The following SPTBN5 variants were observed in gnomAD, a reference collection of about 807,000 sequenced individuals.
SPTBN5 encodes spectrin beta, non-erythrocytic 5.
In SPTBN5, 513 loss-of-function variants were observed where a neutral mutation model predicts 477.6. The observed-to-expected ratio is 1.07, with a 90% CI of 1.00 to 1.16. The LOEUF (loss-of-function observed/expected upper bound fraction) is 1.16, where lower values mean the gene tolerates loss of function less well. Ranked by LOEUF, SPTBN5 falls within the 50% of genes most tolerant of loss-of-function variation. SPTBN5 has a pLI of 0.00. For synonymous variants in SPTBN5, 2,169 were observed against 2,011.7 expected (o/e 1.08, Z -2.09); for missense variants, 5,062 against 4,731.8 (o/e 1.07, Z -2.05).
In SPTBN5 at chr15:41,868,446, G is replaced by C. The variant is rs1447746868; in HGVS notation, c.6009C>G (p.Thr2003=). The C allele has an allele frequency of 6.2e-7, 1 of 1,609,664 alleles. No homozygotes were observed. The highest frequency in any genetic ancestry group is 8.5e-7 in the Non-Finnish European group (1 of 1,178,034). ...CAAGAAGTGCCTGCTGCCCCAGCTG[G>C]GTGGCCTGCTGCCACAGCTTCTCCC... The part of the protein sequence containing the change: ...EAREKLWQQA[T]QLGQQALLAA... The change falls in exon 33 of 68, where the codon ACC becomes ACG. Residue 2003 remains threonine, a synonymous_variant. Transcript: ENST00000320955.
Position 41,874,483 on chromosome 15 carries a change from G to A in SPTBN5, c.4503-5C>T, listed in dbSNP as rs2066653020. ...TGCCCCTGCAGAAGCTCCAGCCTAG[G>A]AGGAGGAGGAAGAGATTGGAGAGGT... On this transcript the variant is annotated splice_region_variant and splice_polypyrimidine_tract_variant and intron_variant, in intron 23 of 67. Coordinates refer to ENST00000320955, the MANE Select transcript of SPTBN5 (RefSeq NM_016642.4). 1 of 1,596,254 alleles carries A rather than the reference G, an allele frequency of 6.3e-7. No homozygotes were observed. Among genetic ancestry groups the A allele is most frequent in the South Asian group, 1.1e-5 (1 of 89,504 alleles).
chr15:41,878,221 A>T (rs2066812063), intron 17 of SPTBN5, 121 bp downstream of exon 17: 1 of 1,215,744 alleles, frequency 8.2e-7, no homozygotes, highest in Admixed American at 2.5e-5. Flanking sequence ...GACACCAACC[A>T]GTCTGGGCCC....
chr15:41,866,446 G>T lies in SPTBN5; in HGVS notation c.6528C>A (p.Val2176=). Residue 2176 remains valine, a synonymous_variant, in exon 37 of 68, where the codon GTC becomes GTA. Transcript: ENST00000320955. ...QAWAQQLKEP[V]PPGDLRDKLK... ...GCTTATCTCTCAGGTCCCCAGGAGG[G>T]ACCGGCTCCTTCAGCTGCTGGGCCC... The T allele has an allele frequency of 6.2e-7, 1 of 1,601,840 alleles. No individual in the cohort carries two copies. Among genetic ancestry groups the T allele is most frequent in the Non-Finnish European group, 8.5e-7 (1 of 1,175,234 alleles).
chr15:41,868,083 G>T lies in SPTBN5; in HGVS notation c.6193C>A (p.Leu2065Ile). 6.2e-7 allele frequency: 1 copy of T among 1,603,188 alleles called. No individual in the cohort carries two copies. The highest frequency in any genetic ancestry group is 2.2e-5 in the East Asian group (1 of 44,732). ...LRECGRLEEI[L>I]AAQEVSLKTS... is the part of the protein sequence containing the mutation. ...AGGGGACCTGCCTCCTGGGCCGCGA[G>T]GATCTCCTCCAGGCGGCCGCACTCT... Residue 2065 changes from leucine (L) to isoleucine (I), a missense_variant, in exon 34 of 68, where the codon CTC becomes ATC. Leu to Ile is a conservative substitution (Grantham distance 5). Coordinates refer to ENST00000320955, the MANE Select transcript of SPTBN5 (RefSeq NM_016642.4).
intron 67 of SPTBN5, among the ~76,000 whole-genome samples, chr15:41,849,264 A>G (rs1348103016): frequency 1.3e-5 from 2 of 152,198 alleles, no homozygotes; most frequent in African/African-American, 2.4e-5. Context: ...GCTGGGATCT[A>G]CAAGGAGGGA....
At position 41,880,326 on chromosome 15, in the gene SPTBN5, GC is replaced by G. The variant is rs1567223339; in HGVS notation, c.2659-15del. The G allele has an allele frequency of 1.9e-6, 3 of 1,588,870 alleles. 1 individual carries two copies. Among genetic ancestry groups the G allele is most frequent in the South Asian group, 2.3e-5 (2 of 86,580 alleles). On this transcript the variant is annotated splice_polypyrimidine_tract_variant and intron_variant, in intron 13 of 67. Transcript: ENST00000320955. ...GGCCCTGCGGAGCTGGGGAGAGGTG[GC>G]CCAAGGCTGGGGTGAGGGTCAGGGC...
Position 41,851,302 on chromosome 15 carries a change from T to C in SPTBN5, c.10724A>G (p.Asp3575Gly). 1 of 1,551,132 alleles carries C rather than the reference T, an allele frequency of 6.4e-7. No homozygotes were observed. ...LQGSSLSLFL[D>G]ERMAAEKVAS... is the part of the protein sequence containing the mutation. ...TGGTACCTCCGCTGCCATCCTCTCA[T>C]CCAGGAACAGGCTCAGAGAGCTGCC... The change falls in exon 64 of 68, where the codon GAT (aspartate) becomes GGT (glycine). Residue 3575 changes from aspartate to glycine, a missense_variant. Transcript: ENST00000320955.
At chr15:41,863,676 C>T in intron 41 of SPTBN5, 28 bp downstream of exon 41, 2 of 1,585,142 alleles carry the variant, frequency 1.3e-6, no homozygotes, top group Non-Finnish European at 1.7e-6. Flanking sequence ...GCTCACAGCC[C>T]CCACCGGGAC....
In SPTBN5 at chr15:41,888,058, G is replaced by A. The variant is rs566283583; in HGVS notation, c.529C>T (p.Leu177=). The A allele has an allele frequency of 6.3e-7, 1 of 1,576,558 alleles. No homozygotes were observed. Among genetic ancestry groups the A allele is most frequent in the East Asian group, 2.3e-5 (1 of 42,876 alleles). ...ACCAGCAGGGCTTCCTTGGTGGACA[G>A]CAGGGCTGCGCTGGCCCCAAACTCC... ...KEEFGASAAL[L]STKEALLVWC... is the part of the protein sequence containing the mutation. The change falls in exon 5 of 68, where the codon CTG becomes TTG. Residue 177 remains leucine (L), a synonymous_variant. Transcript: ENST00000320955.
Position 41,853,406 on chromosome 15 carries a change from TC to T in SPTBN5, c.10021del (p.Glu3341SerfsTer51). The T allele has an allele frequency of 6.2e-7, 1 of 1,601,884 alleles. No individual in the cohort carries two copies. The highest frequency in any genetic ancestry group is 8.5e-7 in the Non-Finnish European group (1 of 1,171,894). On this transcript the variant is annotated frameshift_variant, in exon 59 of 68. Coordinates refer to ENST00000320955, the MANE Select transcript of SPTBN5 (RefSeq NM_016642.4). LOFTEE classifies it high-confidence loss of function. Reference sequence around the variant, plus strand: ...AGCCCCCGCCACGTCCTCAGCCAGCTCCTCGGAGGACGCCAGCTCCTGCCTC... The same window carrying T: ...AGCCCCCGCCACGTCCTCAGCCAGCTCTCGGAGGACGCCAGCTCCTGCCTC... ...QERQELASSE[E>X]LAEDVAGAEQ...
At chr15:41,853,207 A>G in intron 59 of SPTBN5, 51 bp downstream of exon 59, 1 of 1,542,186 alleles carries the variant, frequency 6.5e-7, no homozygotes, top group Admixed American at 1.8e-5. Flanking sequence ...GGCCCTGGGC[A>G]ATCAGGCTGT....
At chr15:41,873,438 C>G (rs972493449) in intron 26 of SPTBN5, 54 bp downstream of exon 26, 8 of 1,342,508 alleles carry the variant, frequency 6.0e-6, no homozygotes, top group African/African-American at 1.4e-5. Flanking sequence ...AGCCCTCTCC[C>G]CGTGGTCCAT....
rs2140937986 is a variant in SPTBN5, at chr15:41,868,086, TCTC to T, written c.6187_6189del (p.Glu2063del). On this transcript the variant is annotated inframe_deletion, in exon 34 of 68. Coordinates refer to ENST00000320955, the MANE Select transcript of SPTBN5 (RefSeq NM_016642.4). ...GGACCTGCCTCCTGGGCCGCGAGGA[TCTC>T]CTCCAGGCGGCCGCACTCTCTGAGG... The T allele has an allele frequency of 6.2e-7, 1 of 1,603,420 alleles. No individual in the cohort carries two copies. The highest frequency in any genetic ancestry group is 8.5e-7 in the Non-Finnish European group (1 of 1,177,490).
In SPTBN5 at chr15:41,885,721, G is replaced by A; in HGVS notation, c.1520+14C>T. ...TCAGCCAGCTGTGGGGAGAGTTCAT[G>A]TGCTGGGGCTCACCTGCGGGCCACA... On this transcript the variant is annotated intron_variant, in intron 7 of 67. Transcript: ENST00000320955. The A allele has an allele frequency of 6.5e-7, 1 of 1,548,264 alleles. No homozygotes were observed.
At position 41,875,076 on chromosome 15, in the gene SPTBN5, C is replaced by T; in HGVS notation, c.4288-20G>A. 6.3e-7 allele frequency: 1 copy of T among 1,595,702 alleles called. No homozygotes were observed. The highest frequency in any genetic ancestry group is 1.7e-5 in the Admixed American group (1 of 58,188). ...TGCATCCTGGGAGGGACGCATGGAG[C>T]TGCATTAGGTTCTCTGTGTACAGCA... On this transcript the variant is annotated intron_variant, in intron 22 of 67. Coordinates refer to ENST00000320955, the MANE Select transcript of SPTBN5 (RefSeq NM_016642.4).
chr15:41,891,972 T>C (rs2067327476), intron 3 of SPTBN5, among the ~76,000 whole-genome samples: 1 of 152,170 alleles, frequency 6.6e-6, no homozygotes, highest in Non-Finnish European at 1.5e-5. Context: ...CCCCAGTTCC[T>C]GGAGGGGAGA....
rs1458896313 is a variant in SPTBN5 at position 41,893,047 on chromosome 15, G to A, written c.231C>T (p.Ile77=). Residue 77 remains isoleucine, a synonymous_variant, in exon 3 of 68, where the codon ATC becomes ATT. Transcript: ENST00000320955. The part of the protein sequence containing the change: ...VFQCGQAGIK[I]RNLYTELADG... ...CAGCCAGCTCTGTGTACAGGTTCCG[G>A]ATCTTGATGCCCGCCTGGGGAGGGG... 1 of 1,611,342 alleles carries A rather than the reference G, an allele frequency of 6.2e-7. No homozygotes were observed. Among genetic ancestry groups the A allele is most frequent in the Admixed American group, 1.7e-5 (1 of 59,940 alleles).
In SPTBN5 at chr15:41,850,902, A is replaced by G. The variant is rs377285071; in HGVS notation, c.10873T>C (p.Ser3625Pro). 9 of 1,603,914 alleles carry G rather than the reference A, an allele frequency of 5.6e-6. No individual in the cohort carries two copies. In the Admixed American group the frequency reaches 8.5e-5, roughly 15 times the overall value. Residue 3625 changes from serine to proline, a missense_variant, in exon 66 of 68, where the codon TCC becomes CCC. Ser to Pro is a moderately conservative substitution (Grantham distance 74). Transcript: ENST00000320955. ...SGAEILFAAP[S>P]EEQAESWWRA... ...CACCAGCTCTCAGCCTGCTCTTCGG[A>G]CGGTGCTGCAAACAGGATCTCTGCC...
rs1287273382 is a variant in SPTBN5 at position 41,887,808 on chromosome 15, T to A, written c.659+120A>T. On this transcript the variant is annotated intron_variant, in intron 5 of 67. Coordinates refer to ENST00000320955, the MANE Select transcript of SPTBN5 (RefSeq NM_016642.4). ...GGCTAACCCATCAGCCCTTTCTACATCTGTGTCCACTTTCCCTCCTTCAAG... is the reference window on the plus strand; with the variant it reads ...GGCTAACCCATCAGCCCTTTCTACAACTGTGTCCACTTTCCCTCCTTCAAG... The A allele has an allele frequency of 1.6e-5, 17 of 1,055,174 alleles. No homozygotes were observed. In the East Asian group the frequency reaches 3.4e-4, roughly 21 times the overall value. 65.4% of individuals were successfully genotyped at this position (1,055,174 alleles called of 1,614,324 possible).
Sources: gnomAD v4.1 joint callset for allele counts (sites outside exome capture counted in the v4.1 genomes callset) on GRCh38, gnomAD v4.1.1 for gene constraint, MANE v1.5 for transcripts, NCBI Gene and HGNC (gene_info 2026-07-23, HGNC 2026-07-21) for gene names.